MRGPRX3: variants seen among roughly 807,000 people sequenced by gnomAD.
MRGPRX3 encodes mas-related G protein-coupled receptor member X3.
MRGPRX3 carries 14 observed loss-of-function variants against 16.5 expected under a neutral mutation model. The observed-to-expected ratio is 0.85, with a 90% CI of 0.56 to 1.33. The LOEUF (loss-of-function observed/expected upper bound fraction) is 1.33. Among genes scored for constraint, MRGPRX3 ranks in the 40% most tolerant of loss-of-function variants. MRGPRX3 has a pLI of 0.00. For synonymous variants in MRGPRX3, 199 were observed against 180.1 expected (o/e 1.10, Z -0.84); for missense variants, 449 against 413.0 (o/e 1.09, Z -0.76).
At chr11:18,136,339 C>T (rs1326227808) in intron 1 of MRGPRX3, among the ~76,000 whole-genome samples, 1 of 152,162 alleles carries the variant, frequency 6.6e-6, no homozygotes, top group Non-Finnish European at 1.5e-5. Context: ...GTACAAAATG[C>T]TTCTAGGGGT....
At chr11:18,125,873 T>A (rs1848890115) in intron 1 of MRGPRX3, among the ~76,000 whole-genome samples, 1 of 152,220 alleles carries the variant, frequency 6.6e-6, no homozygotes, top group South Asian at 2.1e-4. Context: ...TGGGTGCTCC[T>A]GTATTGGGTG....
upstream of MRGPRX3, among the ~76,000 whole-genome samples, chr11:18,131,546 G>T (rs2263407): frequency 0.18 from 27,726 of 152,072 alleles, 2,776 homozygotes; most frequent in Non-Finnish European, 0.23. Context: ...GATGTTGGTG[G>T]GTCTGTGGTG....
At chr11:18,123,590 G>T (rs140336573) in intron 1 of MRGPRX3, among the ~76,000 whole-genome samples, 23,462 of 152,036 alleles carry the variant, frequency 0.15, 1,920 homozygotes, top group Middle Eastern at 0.26. Flanking sequence ...GGTTACTGTA[G>T]CCTTGTAGTA....
chr11:18,129,540 A>AC (rs527893084), upstream of MRGPRX3, among the ~76,000 whole-genome samples: 285 of 152,048 alleles, frequency 1.9e-3, no homozygotes, highest in Middle Eastern at 0.014. Flanking sequence ...TTGAAATAAA[A>AC]TTTTTTTTTA....
chr11:18,124,554 A>G (rs10832885), intron 1 of MRGPRX3, among the ~76,000 whole-genome samples: 145,872 of 152,230 alleles, frequency 0.96, 70,204 homozygotes, highest in East Asian at 1. Flanking sequence ...GATCATGGTG[A>G]GTAAGCTTTT....
intron 1 of MRGPRX3, among the ~76,000 whole-genome samples, chr11:18,126,287 T>C (rs2134080323): frequency 6.6e-6 from 1 of 152,316 alleles, no homozygotes; most frequent in Non-Finnish European, 1.5e-5. Context: ...CTTCCTAACA[T>C]TGATGGTCTT....
upstream of MRGPRX3, among the ~76,000 whole-genome samples, chr11:18,127,883 T>A (rs1044955343): frequency 3.3e-5 from 5 of 152,248 alleles, no homozygotes; most frequent in African/African-American, 9.6e-5. Context: ...TGCTCTGTTT[T>A]TTCCCCATCT....
intron 1 of MRGPRX3, among the ~76,000 whole-genome samples, chr11:18,121,794 G>A (rs1417131164): frequency 1.3e-5 from 2 of 152,258 alleles, no homozygotes; most frequent in East Asian, 1.9e-4. Flanking sequence ...ACAGACGCTT[G>A]AAGGCAGCAT....
At position 18,137,801 on chromosome 11, in the gene MRGPRX3, T is replaced by C; in HGVS notation, c.599T>C (p.Val200Ala). ...TGTGGGTCCAGCCTGGTCCTGCTGG[T>C]CAGGATTCTCTGTGGATCCCGGAAG... ...VLCGSSLVLL[V>A]RILCGSRKMP... Residue 200 changes from valine to alanine, a missense_variant, in exon 2 of 2, where the codon GTC becomes GCC. Coordinates refer to ENST00000621697, the MANE Select transcript of MRGPRX3 (RefSeq NM_001370464.1). 6.2e-7 allele frequency: 1 copy of C among 1,614,218 alleles called. No homozygotes were observed. Among genetic ancestry groups the C allele is most frequent in the Non-Finnish European group, 8.5e-7 (1 of 1,180,044 alleles).
intron 1 of MRGPRX3, among the ~76,000 whole-genome samples, chr11:18,125,495 G>A (rs894967414): frequency 1.1e-4 from 17 of 152,258 alleles, no homozygotes; most frequent in Admixed American, 1.0e-3. Context: ...GTAGTTGAGC[G>A]TTTTTGAGTG....
chr11:18,125,053 A>G (rs546028242), intron 1 of MRGPRX3, among the ~76,000 whole-genome samples: 13 of 148,044 alleles, frequency 8.8e-5, no homozygotes, highest in African/African-American at 2.9e-4. Flanking sequence ...ATCATTTTTT[A>G]TTGCATCTAT....
At chr11:18,127,582 A>C (rs60736376), upstream of MRGPRX3, among the ~76,000 whole-genome samples, 4,242 of 152,190 alleles carry the variant, frequency 0.028, 127 homozygotes, top group African/African-American at 0.097. Context: ...AGGCTTGTGC[A>C]TTCATCATGT....
intron 1 of MRGPRX3, among the ~76,000 whole-genome samples, chr11:18,123,049 G>C (rs1848855831): frequency 6.6e-6 from 1 of 152,000 alleles, no homozygotes; most frequent in Non-Finnish European, 1.5e-5. Context: ...TTTTTTTCTT[G>C]TAAATTTGTT....
chr11:18,132,043 A>C (rs1350569698), upstream of MRGPRX3, among the ~76,000 whole-genome samples: 1 of 152,346 alleles, frequency 6.6e-6, no homozygotes, highest in East Asian at 1.9e-4. Flanking sequence ...CCTGTTCCCC[A>C]AAATCCCAAT....
chr11:18,121,894 C>G (rs922986955), intron 1 of MRGPRX3, among the ~76,000 whole-genome samples: 4 of 152,024 alleles, frequency 2.6e-5, no homozygotes, highest in African/African-American at 9.7e-5. Flanking sequence ...CCTAGGAAAA[C>G]CAGAGACCTT....
At chr11:18,123,724 G>A (rs1848862889) in intron 1 of MRGPRX3, among the ~76,000 whole-genome samples, 1 of 152,216 alleles carries the variant, frequency 6.6e-6, no homozygotes, top group Admixed American at 6.5e-5. Flanking sequence ...ATTCTGTGAA[G>A]AAAGGCATTG....
At chr11:18,123,923 C>T (rs1273249820) in intron 1 of MRGPRX3, among the ~76,000 whole-genome samples, 2 of 152,084 alleles carry the variant, frequency 1.3e-5, no homozygotes, top group East Asian at 3.8e-4. Flanking sequence ...AAGCTGGATT[C>T]CTAGGTTCTT....
chr11:18,123,322 T>A (rs1245762202), intron 1 of MRGPRX3, among the ~76,000 whole-genome samples: 1 of 152,170 alleles, frequency 6.6e-6, no homozygotes, highest in Non-Finnish European at 1.5e-5. Context: ...TGGTTTCAGG[T>A]CTAACATTTA....
At chr11:18,129,996 C>G (rs982307098), upstream of MRGPRX3, among the ~76,000 whole-genome samples, 1 of 152,140 alleles carries the variant, frequency 6.6e-6, no homozygotes, top group Non-Finnish European at 1.5e-5. Context: ...ATGATTAAAA[C>G]CTTCAGCAAA....
Sources: allele counts gnomAD v4.1 joint callset (sites outside exome capture counted in the v4.1 genomes callset), GRCh38; gene constraint gnomAD v4.1.1; transcripts MANE v1.5; gene names NCBI Gene and HGNC (gene_info 2026-07-23, HGNC 2026-07-21).